Variants in RPTOR observed in about 807,000 individuals in gnomAD.
RPTOR encodes the protein regulatory associated protein of MTOR complex 1, also known as regulatory-associated protein of mTOR.
Under a neutral mutation model 169.9 loss-of-function variants are expected in RPTOR, and 21 were observed. The ratio of observed to expected loss-of-function variants is 0.12; its 90% confidence interval spans 0.09 to 0.18. The LOEUF (loss-of-function observed/expected upper bound fraction) is 0.18, where lower values mean the gene tolerates loss of function less well. Ranked by LOEUF, RPTOR falls within the 10% of genes least tolerant of loss-of-function variation. The pLI is 1.00. For synonymous variants in RPTOR, 732 were observed against 753.2 expected (o/e 0.97, Z 0.46); for missense variants, 1,133 against 1,855.9 (o/e 0.61, Z 7.16).
intron 20 of RPTOR, among the ~76,000 whole-genome samples, chr17:80,896,202 G>T (rs58504207): frequency 0.73 from 110,164 of 151,502 alleles, 40,422 homozygotes; most frequent in Admixed American, 0.79. Flanking sequence ...GATCCAGGTT[G>T]TATTTTTTCT....
At chr17:80,816,166 T>G (rs9898554) in intron 7 of RPTOR, among the ~76,000 whole-genome samples, 24,267 of 152,188 alleles carry the variant, frequency 0.16, 2,015 homozygotes, top group Middle Eastern at 0.22. Flanking sequence ...GAACCTTGTA[T>G]GTTTGGGGGC....
At chr17:80,857,971 G>A (rs767536303) in intron 13 of RPTOR, 71 bp downstream of exon 13, 32 of 1,184,564 alleles carry the variant, frequency 2.7e-5, no homozygotes, top group East Asian at 4.8e-5. Context: ...CGAGCCCTGC[G>A]TTTCCAGCCT....
intron 3 of RPTOR, among the ~76,000 whole-genome samples, chr17:80,693,093 C>T (rs2066006437): frequency 6.6e-6 from 1 of 152,212 alleles, no homozygotes; most frequent in African/African-American, 2.4e-5. Context: ...TCCACGTGTC[C>T]TCATTGGAAT....
rs892211914 is a variant in RPTOR at position 80,545,100 on chromosome 17, A to G, written c.-530A>G. 2 of 233,888 alleles carry G rather than the reference A, an allele frequency of 8.6e-6. No individual in the cohort carries two copies. The highest frequency in any genetic ancestry group is 8.5e-6 in the Non-Finnish European group (1 of 118,208). The allele number at this position is 233,888 out of a possible 1,614,324, so 14.5% of individuals were successfully genotyped here. On this transcript the variant is annotated 5_prime_UTR_variant, in exon 1 of 34. Coordinates refer to ENST00000306801, the MANE Select transcript of RPTOR (RefSeq NM_020761.3). ...ATGGGCCGGTCGTGGCTCTGGTTGCAGCAGCTCAGACGAGTGCGGGACCCG... is the reference window on the plus strand; with the variant it reads ...ATGGGCCGGTCGTGGCTCTGGTTGCGGCAGCTCAGACGAGTGCGGGACCCG...
At chr17:80,635,359 C>T (rs1224001922) in intron 2 of RPTOR, among the ~76,000 whole-genome samples, 1 of 152,206 alleles carries the variant, frequency 6.6e-6, no homozygotes, top group African/African-American at 2.4e-5. Context: ...CAGCTTTGCC[C>T]AGACCCACCT....
intron 13 of RPTOR, among the ~76,000 whole-genome samples, chr17:80,873,337 G>T (rs369126686): frequency 6.4e-4 from 97 of 152,212 alleles, no homozygotes; most frequent in Non-Finnish European, 9.1e-4. Flanking sequence ...CTGGAATTGT[G>T]ATGTTTCTCC....
chr17:80,670,426 A>C (rs2065812860), intron 3 of RPTOR, among the ~76,000 whole-genome samples: 1 of 152,112 alleles, frequency 6.6e-6, no homozygotes, highest in African/African-American at 2.4e-5. Context: ...GACCTTTTTA[A>C]GCCTTTTAAC....
In RPTOR at chr17:80,961,031, C is replaced by G. The variant is rs533548447; in HGVS notation, c.3606-363C>G. The G allele has an allele frequency of 5.9e-5, 18 of 306,966 alleles. No homozygotes were observed. The South Asian group carries it at 1.2e-3, about 21-fold the overall frequency. 19.0% of individuals were successfully genotyped at this position (306,966 alleles called of 1,614,324 possible). A position where few individuals can be genotyped will look rare whatever the true frequency, so the allele number is the denominator to read the frequency against. On this transcript the variant is annotated intron_variant, in intron 30 of 33. Coordinates refer to ENST00000306801, the MANE Select transcript of RPTOR (RefSeq NM_020761.3). ...CCAGTCTGCACAGATCGGGGAGACA[C>G]AATGAGGAGTTTTGAGGGAAGCAAA...
chr17:80,712,379 A>C (rs990544563), intron 4 of RPTOR, among the ~76,000 whole-genome samples: 1 of 151,958 alleles, frequency 6.6e-6, no homozygotes, highest in African/African-American at 2.4e-5. Context: ...CTCCCCTAGC[A>C]TTTGGTCTTT....
chr17:80,594,452 A>G (rs2065130469), intron 1 of RPTOR, among the ~76,000 whole-genome samples: 5 of 152,214 alleles, frequency 3.3e-5, no homozygotes, highest in Admixed American at 3.3e-4. Flanking sequence ...CAGCGTTTCT[A>G]CTATTAAAGG....
intron 14 of RPTOR, among the ~76,000 whole-genome samples, chr17:80,881,135 A>C (rs1312716105): frequency 6.6e-6 from 1 of 152,234 alleles, no homozygotes; most frequent in Non-Finnish European, 1.5e-5. Flanking sequence ...TATTGCCAGA[A>C]TATTTAAACA....
chr17:80,796,544 C>T (rs181779117), intron 7 of RPTOR, among the ~76,000 whole-genome samples: 1 of 152,306 alleles, frequency 6.6e-6, no homozygotes, highest in East Asian at 1.9e-4. Flanking sequence ...CTCACTATCA[C>T]GAGAACAGCC....
intron 1 of RPTOR, among the ~76,000 whole-genome samples, chr17:80,624,644 G>C (rs2065379275): frequency 6.6e-6 from 1 of 152,154 alleles, no homozygotes; most frequent in Non-Finnish European, 1.5e-5. Context: ...CTGTGAGTTT[G>C]GGGCAGATTA....
intron 13 of RPTOR, among the ~76,000 whole-genome samples, chr17:80,862,817 C>T (rs1005790888): frequency 6.6e-5 from 10 of 152,114 alleles, no homozygotes; most frequent in Admixed American, 3.9e-4. Context: ...GGTGTACAGA[C>T]GGGTCCACCT....
At chr17:80,548,082 T>A (rs991273440) in intron 1 of RPTOR, among the ~76,000 whole-genome samples, 2 of 65,278 alleles carry the variant, frequency 3.1e-5, no homozygotes, top group African/African-American at 8.7e-5. Context: ...CTGTTTCTTT[T>A]TTTTTTTTTT....
chr17:80,773,660 C>A (rs1035282270), intron 6 of RPTOR, among the ~76,000 whole-genome samples: 1 of 152,266 alleles, frequency 6.6e-6, no homozygotes, highest in East Asian at 1.9e-4. Context: ...CAGCCTTGTT[C>A]TGAGCTGGCT....
chr17:80,935,763 C>A (rs2068948105), intron 24 of RPTOR, among the ~76,000 whole-genome samples: 1 of 147,086 alleles, frequency 6.8e-6, no homozygotes, highest in South Asian at 2.2e-4. Flanking sequence ...TATAAAACTT[C>A]TAGAAGGAAA....
At chr17:80,796,839 A>G (rs2067106385) in intron 7 of RPTOR, among the ~76,000 whole-genome samples, 1 of 152,214 alleles carries the variant, frequency 6.6e-6, no homozygotes, top group South Asian at 2.1e-4. Context: ...ACAGTGTGAC[A>G]GAGGTTAAAT....
chr17:80,544,947 C>T lies in RPTOR; in HGVS notation c.-683C>T, dbSNP rs1000628778. 1 of 231,084 alleles carries T rather than the reference C, an allele frequency of 4.3e-6. No individual in the cohort carries two copies. Among genetic ancestry groups the T allele is most frequent in the African/African-American group, 2.2e-5 (1 of 45,272 alleles). 14.3% of individuals were successfully genotyped at this position (231,084 alleles called of 1,614,324 possible). ...CCCAATAAGCCCACATTGTCCCTTT[C>T]CTCCGTGGTTCCGTGTCGCCCGTTT... On this transcript the variant is annotated 5_prime_UTR_variant, in exon 1 of 34. Coordinates refer to ENST00000306801, the MANE Select transcript of RPTOR (RefSeq NM_020761.3).
Sources: allele counts gnomAD v4.1 joint callset (sites outside exome capture counted in the v4.1 genomes callset), GRCh38; gene constraint gnomAD v4.1.1; transcripts MANE v1.5; gene names NCBI Gene and HGNC (gene_info 2026-07-23, HGNC 2026-07-21).